ZNF221: variants seen among roughly 807,000 people sequenced by gnomAD.
The protein encoded by ZNF221 is zinc finger protein 221.
ZNF221 carries 10 observed loss-of-function variants against 12.6 expected under a neutral mutation model. The observed-to-expected ratio is 0.79, with a 90% confidence interval of 0.49 to 1.34. ZNF221 has a LOEUF of 1.34. Among genes scored for constraint, ZNF221 ranks in the 40% most tolerant of loss-of-function variants. The pLI is 0.00. For synonymous variants in ZNF221, 232 were observed against 244.0 expected (o/e 0.95, Z 0.46); for missense variants, 661 against 721.4 (o/e 0.92, Z 0.96).
chr19:43,973,922 A>G, the ZNF221 span, among the ~76,000 whole-genome samples: 1 of 152,222 alleles, frequency 6.6e-6, no homozygotes, highest in Non-Finnish European at 1.5e-5. Flanking sequence ...TTTGGAACCA[A>G]AGAATAGCCC....
chr19:43,971,306 C>T (rs374920627), downstream of ZNF221, among the ~76,000 whole-genome samples: 55 of 152,284 alleles, frequency 3.6e-4, 1 homozygote, highest in South Asian at 6.4e-3. Context: ...CAAAAACACA[C>T]TGAAGTACAT....
intron 2 of ZNF221, among the ~76,000 whole-genome samples, chr19:43,964,377 G>T (rs1020940369): frequency 5.3e-5 from 8 of 152,174 alleles, no homozygotes; most frequent in Admixed American, 3.3e-4. Flanking sequence ...GTGCTCTGAG[G>T]CATGATGGTT....
downstream of ZNF221, among the ~76,000 whole-genome samples, chr19:43,971,576 A>G (rs1244147821): frequency 6.6e-6 from 1 of 152,156 alleles, no homozygotes; most frequent in Non-Finnish European, 1.5e-5. Flanking sequence ...TACCAAGAAA[A>G]TGGAAATCAG....
At chr19:43,973,062 G>A in the ZNF221 span, among the ~76,000 whole-genome samples, 1 of 152,124 alleles carries the variant, frequency 6.6e-6, no homozygotes, top group African/African-American at 2.4e-5. Context: ...CCACAATCAA[G>A]TTGGCTTCAT....
Position 43,966,420 on chromosome 19 carries a change from G to C in ZNF221, c.918G>C (p.Gly306=), listed in dbSNP as rs577341129. ...QLQEHQRIHT[G]EKPFKCDICG... ...AAGAACATCAGAGAATCCATACTGG[G>C]GAGAAGCCATTCAAATGTGATATAT... Residue 306 remains glycine (G), a synonymous_variant, in exon 5 of 5, where the codon GGG becomes GGC. Transcript: ENST00000587682. 8.1e-6 allele frequency: 13 copies of C among 1,613,776 alleles called. No homozygotes were observed. In the East Asian group the frequency reaches 2.7e-4, roughly 33 times the overall value.
the ZNF221 span, among the ~76,000 whole-genome samples, chr19:43,977,968 T>C: frequency 6.6e-6 from 1 of 152,178 alleles, no homozygotes; most frequent in Non-Finnish European, 1.5e-5. Context: ...AAATGGCTCA[T>C]GGGCAGTTGT....
rs1568473194 is a variant in ZNF221, at chr19:43,951,232, G to A, written c.-171G>A. Reference sequence around the variant, plus strand: ...GAATTCTGGGAAATGTAGTCCAGACGCTCTGTGGAGTCGCGGGAGCTACGG... The same window carrying A: ...GAATTCTGGGAAATGTAGTCCAGACACTCTGTGGAGTCGCGGGAGCTACGG... On this transcript the variant is annotated 5_prime_UTR_variant, in exon 1 of 5. Coordinates refer to ENST00000587682, the MANE Select transcript of ZNF221 (RefSeq NM_001297588.2). 6.6e-6 allele frequency: 1 copy of A among 152,278 alleles called. No homozygotes were observed. The highest frequency in any genetic ancestry group is 1.5e-5 in the Non-Finnish European group (1 of 68,092). 9.4% of individuals were successfully genotyped at this position (152,278 alleles called of 1,614,324 possible). A position where few individuals can be genotyped will look rare whatever the true frequency, so the allele number is the denominator to read the frequency against.
chr19:43,963,648 A>T (rs1157507622), intron 2 of ZNF221, among the ~76,000 whole-genome samples: 1 of 152,204 alleles, frequency 6.6e-6, no homozygotes, highest in Non-Finnish European at 1.5e-5. Flanking sequence ...TTGTGTTACT[A>T]TATTTACTCA....
chr19:43,965,059 G>T lies in ZNF221; in HGVS notation c.191G>T (p.Arg64Met), dbSNP rs772551892. The T allele has an allele frequency of 9.9e-6, 16 of 1,614,030 alleles. No individual in the cohort carries two copies. Among genetic ancestry groups the T allele is most frequent in the Non-Finnish European group, 9.3e-6 (11 of 1,180,028 alleles). Reference protein sequence around the residue: ...LYRDVMLENFRNLLSVGNQPF... With the variant: ...LYRDVMLENFMNLLSVGNQPF... Reference sequence around the variant, plus strand: ...CGAGATGTGATGCTAGAGAACTTCAGGAACCTGCTCTCAGTAGGTGAGGAC... The same window carrying T: ...CGAGATGTGATGCTAGAGAACTTCATGAACCTGCTCTCAGTAGGTGAGGAC... The change falls in exon 3 of 5, where the codon AGG becomes ATG. Residue 64 changes from arginine to methionine, a missense_variant. Coordinates refer to ENST00000587682, the MANE Select transcript of ZNF221 (RefSeq NM_001297588.2).
chr19:43,970,323 A>C (rs1250487158), downstream of ZNF221, among the ~76,000 whole-genome samples: 1 of 152,180 alleles, frequency 6.6e-6, no homozygotes, highest in Non-Finnish European at 1.5e-5. Context: ...AAGTCAACAC[A>C]AAAAAATGCT....
Position 43,966,117 on chromosome 19 carries a change from A to G in ZNF221, c.615A>G (p.Lys205=). 6.2e-7 allele frequency: 1 copy of G among 1,614,226 alleles called. No individual in the cohort carries two copies. Among genetic ancestry groups the G allele is most frequent in the Non-Finnish European group, 8.5e-7 (1 of 1,180,038 alleles). The part of the protein sequence containing the change: ...EKSHTCGECG[K]SFCYSPALHI... ...CTCATACATGTGGTGAGTGTGGAAA[A>G]AGCTTCTGTTACAGCCCAGCCCTTC... Residue 205 remains lysine, a synonymous_variant, in exon 5 of 5, where the codon AAA becomes AAG. Transcript: ENST00000587682.
chr19:43,967,571 C>G lies in ZNF221; in HGVS notation c.*215C>G, dbSNP rs1314712866. 3 of 480,666 alleles carry G rather than the reference C, an allele frequency of 6.2e-6. No homozygotes were observed. Among genetic ancestry groups the G allele is most frequent in the Non-Finnish European group, 1.1e-5 (3 of 272,694 alleles). The allele number at this position is 480,666 out of a possible 1,614,324, so 29.8% of individuals were successfully genotyped here. On this transcript the variant is annotated 3_prime_UTR_variant, in exon 5 of 5. Coordinates refer to ENST00000587682, the MANE Select transcript of ZNF221 (RefSeq NM_001297588.2). ...TCAGCTCACTGCAAGCTCCGCCTCCCAGGTTCACGCCATTCTCCTGCCTCA... is the reference window on the plus strand; with the variant it reads ...TCAGCTCACTGCAAGCTCCGCCTCCGAGGTTCACGCCATTCTCCTGCCTCA...
intron 1 of ZNF221, among the ~76,000 whole-genome samples, chr19:43,954,607 G>C (rs1974726025): frequency 6.6e-6 from 1 of 152,116 alleles, no homozygotes; most frequent in South Asian, 2.1e-4. Flanking sequence ...TTTGCCAGAT[G>C]GGGTGAAGGC....
chr19:43,979,074 G>C, the ZNF221 span, among the ~76,000 whole-genome samples: 1 of 151,028 alleles, frequency 6.6e-6, no homozygotes, highest in African/African-American at 2.4e-5. Flanking sequence ...CAATTACTTT[G>C]GTACAGAAAA....
the ZNF221 span, among the ~76,000 whole-genome samples, chr19:43,978,941 T>TGC: frequency 8.5e-6 from 1 of 117,782 alleles, no homozygotes; most frequent in South Asian, 2.7e-4. Context: ...GTGTTTTTTT[T>TGC]TTTTTTTTTT....
chr19:43,973,066 G>A, the ZNF221 span, among the ~76,000 whole-genome samples: 1 of 152,252 alleles, frequency 6.6e-6, no homozygotes, highest in East Asian at 1.9e-4. Context: ...AATCAAGTTG[G>A]CTTCATCCCC....
chr19:43,953,381 G>A (rs777746391), intron 1 of ZNF221, among the ~76,000 whole-genome samples: 3 of 152,026 alleles, frequency 2.0e-5, no homozygotes, highest in Non-Finnish European at 4.4e-5. Flanking sequence ...TCCTGGGTAT[G>A]CCACTCTCCA....
chr19:43,970,908 G>A (rs1011152057), downstream of ZNF221, among the ~76,000 whole-genome samples: 43 of 152,230 alleles, frequency 2.8e-4, no homozygotes, highest in African/African-American at 1.0e-3. Flanking sequence ...TTCAGGAAAT[G>A]CAGAGAACCC....
At chr19:43,968,814 T>C (rs1020608671), downstream of ZNF221, among the ~76,000 whole-genome samples, 1 of 152,102 alleles carries the variant, frequency 6.6e-6, no homozygotes, top group East Asian at 1.9e-4. Flanking sequence ...AGGGAAGCAG[T>C]GAGTGATTGT....
Sources: allele counts gnomAD v4.1 joint callset (sites outside exome capture counted in the v4.1 genomes callset), GRCh38; gene constraint gnomAD v4.1.1; transcripts MANE v1.5; gene names NCBI Gene and HGNC (gene_info 2026-07-23, HGNC 2026-07-21).